The following WDR36 variants were observed in gnomAD, a reference collection of about 807,000 sequenced individuals.
WDR36 encodes WD repeat-containing protein 36.
A neutral mutation model predicts 112.7 loss-of-function variants in WDR36; 63 were observed. That is an observed-to-expected ratio of 0.56 (90% CI 0.46 to 0.69). The LOEUF is 0.69. Among genes scored for constraint, WDR36 ranks in the 30% least tolerant of loss-of-function variants. The pLI, the probability that WDR36 is intolerant of heterozygous loss-of-function variation, is 0.00. For missense variants in WDR36, 1,226 were observed against 1,070.3 expected (o/e 1.15, Z -2.03); for synonymous variants, 410 against 362.2 (o/e 1.13, Z -1.50).
chr5:111,104,912 C>T, intron 9 of WDR36, 95 bp downstream of exon 9: 1 of 1,570,924 alleles, frequency 6.4e-7, no homozygotes, highest in Non-Finnish European at 8.7e-7. Context: ...CTTAGATTCA[C>T]ATATCTCTTT....
At chr5:111,118,026 C>A (rs1753491601) in intron 16 of WDR36, among the ~76,000 whole-genome samples, 2 of 152,114 alleles carry the variant, frequency 1.3e-5, no homozygotes, top group South Asian at 2.1e-4. Flanking sequence ...TCTCTCTGTT[C>A]AAATATATTC....
chr5:111,108,546 TC>T (rs145535680), intron 12 of WDR36, among the ~76,000 whole-genome samples: 9,893 of 151,370 alleles, frequency 0.065, 1,097 homozygotes, highest in African/African-American at 0.23. Context: ...TATCTTACGC[TC>T]CCGTAGGGAC....
At chr5:111,100,274 T>C (rs1437172775) in intron 4 of WDR36, among the ~76,000 whole-genome samples, 1 of 151,950 alleles carries the variant, frequency 6.6e-6, no homozygotes, top group African/African-American at 2.4e-5. Context: ...ACATGAATGC[T>C]AATCCTTAGG....
At chr5:111,113,706 G>C (rs544422709) in intron 16 of WDR36, among the ~76,000 whole-genome samples, 1 of 152,222 alleles carries the variant, frequency 6.6e-6, no homozygotes, top group African/African-American at 2.4e-5. Context: ...AGAAGCCCCA[G>C]GTCAAAGGGC....
chr5:111,104,523 G>A (rs1028120376), intron 8 of WDR36, among the ~76,000 whole-genome samples, 171 bp downstream of exon 8: 1 of 151,618 alleles, frequency 6.6e-6, no homozygotes, highest in African/African-American at 2.4e-5. Context: ...GCAGTGAAGC[G>A]GGAAAGAATT....
At chr5:111,116,372 G>C (rs1443978791) in intron 16 of WDR36, among the ~76,000 whole-genome samples, 1 of 152,114 alleles carries the variant, frequency 6.6e-6, no homozygotes, top group African/African-American at 2.4e-5. Flanking sequence ...AATTGGAATA[G>C]AACATTGTTT....
chr5:111,116,999 A>G (rs1288390520), intron 16 of WDR36, among the ~76,000 whole-genome samples: 1 of 152,220 alleles, frequency 6.6e-6, no homozygotes, highest in African/African-American at 2.4e-5. Flanking sequence ...TAATCTTTAT[A>G]TGTGTTAGGA....
intron 5 of WDR36, among the ~76,000 whole-genome samples, chr5:111,100,967 T>C (rs1377928980): frequency 1.3e-5 from 2 of 151,974 alleles, no homozygotes; most frequent in African/African-American, 4.8e-5. Flanking sequence ...GTATAACAGC[T>C]ATTTACATAG....
At chr5:111,105,232 G>A in intron 9 of WDR36, 63 bp from the exon 10 acceptor site, 1 of 1,503,000 alleles carries the variant, frequency 6.7e-7, no homozygotes, top group South Asian at 1.1e-5. Flanking sequence ...TATAAAATTT[G>A]TGATTCACAT....
chr5:111,106,835 A>G (rs771409508), intron 11 of WDR36, among the ~76,000 whole-genome samples: 3 of 151,326 alleles, frequency 2.0e-5, no homozygotes, highest in Non-Finnish European at 3.0e-5. Context: ...ATCCCTCCCA[A>G]GAAGATACTA....
chr5:111,098,675 G>A lies in WDR36; in HGVS notation c.292-47G>A, dbSNP rs34785215. The A allele has an allele frequency of 4.2e-6, 5 of 1,193,746 alleles. No homozygotes were observed. The Admixed American group carries it at 5.1e-5, about 12-fold the overall frequency. The allele number at this position is 1,193,746 out of a possible 1,614,324, so 73.9% of individuals were successfully genotyped here. ...TGGGATAATATGAATAATATGACAT[G>A]ATGACTGAGTAATAATATGAAATTC... On this transcript the variant is annotated intron_variant, in intron 3 of 22. Transcript: ENST00000513710.
At position 111,099,441 on chromosome 5, in the gene WDR36, GTTTTTTTTTGTTTTTTTTTTTGTT is replaced by G. The variant is rs1322246338; in HGVS notation, c.409+612_409+635del. 6.7e-3 allele frequency among the ~76,000 whole-genome samples: 660 copies of G among 98,192 alleles called. 7 individuals are homozygous for G. Among genetic ancestry groups the G allele is most frequent in the African/African-American group, 0.021 (507 of 23,822 alleles). 64.4% of individuals were successfully genotyped at this position (98,192 alleles called of 152,430 possible). On this transcript the variant is annotated intron_variant, in intron 4 of 22. Coordinates refer to ENST00000513710, the MANE Select transcript of WDR36 (RefSeq NM_139281.3). ...CATTTTTAGCTTATATTGCCTCTTG[GTTTTTTTTTGTTTTTTTTTTTGTT>G]TTTTTTTTTTTTTTTTTTTCAGTAA...
At position 111,111,031 on chromosome 5, in the gene WDR36, A is replaced by G. The variant is rs2112578784; in HGVS notation, c.1607+78A>G. On this transcript the variant is annotated intron_variant, in intron 14 of 22. Transcript: ENST00000513710. ...TAAAGTCACAATTTACCAAGTGGGA[A>G]AAATCAGACTCTTTAATAAAGAACA... 2.5e-6 allele frequency: 4 copies of G among 1,578,870 alleles called. No homozygotes were observed. The South Asian group carries it at 4.4e-5, about 18-fold the overall frequency.
At chr5:111,105,390 G>A in intron 10 of WDR36, 30 bp downstream of exon 10, 1 of 1,584,826 alleles carries the variant, frequency 6.3e-7, no homozygotes, top group South Asian at 1.1e-5. Flanking sequence ...AAATAAGCTG[G>A]TCACGAAAGA....
Position 111,113,048 on chromosome 5 carries a change from ATATATTT to A in WDR36, c.1717-24_1717-18del. 8.7e-6 allele frequency: 4 copies of A among 458,046 alleles called. No homozygotes were observed. The highest frequency in any genetic ancestry group is 1.2e-5 in the Non-Finnish European group (4 of 322,420). The allele number at this position is 458,046 out of a possible 1,614,324, so 28.4% of individuals were successfully genotyped here. On this transcript the variant is annotated intron_variant, in intron 15 of 22. Transcript: ENST00000513710. ...TTATATATAAATAATATATATATAT[ATATATTT>A]TTTTTTTTTAATTTAAAGGCTTTTA...
chr5:111,092,867 C>T (rs1752897189), intron 1 of WDR36, among the ~76,000 whole-genome samples: 2 of 152,242 alleles, frequency 1.3e-5, no homozygotes, highest in South Asian at 4.1e-4. Flanking sequence ...AGTTGTATGG[C>T]AGTAATATTT....
intron 16 of WDR36, among the ~76,000 whole-genome samples, chr5:111,114,120 G>C (rs1753406627): frequency 6.6e-6 from 1 of 152,178 alleles, no homozygotes; most frequent in Admixed American, 6.5e-5. Flanking sequence ...GCTTTAAAGA[G>C]AAAGTGGTAT....
chr5:111,114,418 C>T (rs1753414885), intron 16 of WDR36, among the ~76,000 whole-genome samples: 1 of 152,180 alleles, frequency 6.6e-6, no homozygotes. Flanking sequence ...TACATGAAAA[C>T]AGTTTGACCT....
chr5:111,112,629 T>G (rs1332712047), intron 15 of WDR36, among the ~76,000 whole-genome samples: 1 of 152,040 alleles, frequency 6.6e-6, no homozygotes, highest in Admixed American at 6.6e-5. Context: ...ATAAGTAGTT[T>G]ATTTAAATTT....
Sources: allele counts gnomAD v4.1 joint callset (sites outside exome capture counted in the v4.1 genomes callset), GRCh38; gene constraint gnomAD v4.1.1; transcripts MANE v1.5; gene names NCBI Gene and HGNC (gene_info 2026-07-23, HGNC 2026-07-21).